KCNQ1: variants seen among roughly 807,000 people sequenced by gnomAD.
KCNQ1 encodes the protein potassium voltage-gated channel subfamily Q member 1.
KCNQ1 carries 49 observed loss-of-function variants against 72.4 expected under a neutral mutation model. The ratio of observed to expected loss-of-function variants is 0.68; its 90% confidence interval spans 0.54 to 0.86. The LOEUF is 0.86. Among genes scored for constraint, KCNQ1 ranks in the 40% least tolerant of loss-of-function variants. The probability of loss-of-function intolerance (pLI) is 0.00; values close to 1 mark genes in which losing one functional copy is unlikely to be tolerated. For synonymous variants in KCNQ1, 450 were observed against 412.6 expected (o/e 1.09, Z -1.10); for missense variants, 790 against 945.1 (o/e 0.84, Z 2.15).
At position 2,520,851 on chromosome 11, in the gene KCNQ1, T is replaced by C. The variant is rs143876070; in HGVS notation, c.387-7077T>C. Among the ~76,000 whole-genome samples, 570 of 152,214 alleles carry C rather than the reference T, an allele frequency of 3.7e-3. 4 individuals carry two copies. Among genetic ancestry groups the C allele is most frequent in the African/African-American group, 0.014 (561 of 41,518 alleles). On this transcript the variant is annotated intron_variant, in intron 1 of 15. Coordinates refer to ENST00000155840, the MANE Select transcript of KCNQ1 (RefSeq NM_000218.3). ...GTTTAAGCGTCAATATTTAATCTCT[T>C]GAAGTTACACATTCAAGGCCCTATC... is the stretch of plus-strand genomic sequence containing the variant.
rs902195459 is a variant in KCNQ1 at position 2,676,831 on chromosome 11, T to C, written c.1514+14750T>C. ...GTGCTGGGATCTACCACAGGGGTCA[T>C]GTTGTAATGACACCTGTCAGCTTTG... On this transcript the variant is annotated intron_variant, in intron 11 of 15. Coordinates refer to ENST00000155840, the MANE Select transcript of KCNQ1 (RefSeq NM_000218.3). This position sits in a 1 kb window ranked among gnomAD's most constrained non-coding sequence, Gnocchi z 4.2. 5.0e-6 allele frequency: 2 copies of C among 398,502 alleles called. No homozygotes were observed. The highest frequency in any genetic ancestry group is 4.4e-5 in the Admixed American group (1 of 22,714). The allele number at this position is 398,502 out of a possible 1,614,324, so 24.7% of individuals were successfully genotyped here. A position where few individuals can be genotyped will look rare whatever the true frequency, so the allele number is the denominator to read the frequency against.
chr11:2,474,813 G>A (rs924206061), intron 1 of KCNQ1, among the ~76,000 whole-genome samples: 2 of 151,980 alleles, frequency 1.3e-5, no homozygotes, highest in African/African-American at 2.4e-5. Context: ...TGCAGATTGT[G>A]ATGGTGTGGT....
At position 2,473,611 on chromosome 11, in the gene KCNQ1, G is replaced by A. The variant is rs2133601409; in HGVS notation, c.386+28127G>A. Reference sequence around the variant, plus strand: ...GTGGCTTGTAGAGCGAGGGTGTGCGGCCGGCATCATCCTCAGGGAACTCTG... The same window carrying A: ...GTGGCTTGTAGAGCGAGGGTGTGCGACCGGCATCATCCTCAGGGAACTCTG... On this transcript the variant is annotated intron_variant, in intron 1 of 15. Coordinates refer to ENST00000155840, the MANE Select transcript of KCNQ1 (RefSeq NM_000218.3). The surrounding 1 kb of genome is among the most constrained non-coding windows in gnomAD (Gnocchi z 6.0). 6.6e-6 allele frequency among the ~76,000 whole-genome samples: 1 copy of A among 152,230 alleles called. No homozygotes were observed. Among genetic ancestry groups the A allele is most frequent in the East Asian group, 1.9e-4 (1 of 5,168 alleles).
chr11:2,730,514 T>A (rs543583703), intron 11 of KCNQ1, among the ~76,000 whole-genome samples: 1 of 152,292 alleles, frequency 6.6e-6, no homozygotes, highest in East Asian at 1.9e-4. Context: ...TTCCTCCCTC[T>A]TTCTCTTATG....
At chr11:2,456,938 CA>C (rs58543586) in intron 1 of KCNQ1, among the ~76,000 whole-genome samples, 1,123 of 52,036 alleles carry the variant, frequency 0.022, 81 homozygotes, top group Non-Finnish European at 0.044. Flanking sequence ...GACTCGGTCT[CA>C]AAAAAAAAAA....
At chr11:2,760,026 C>T (rs896176848) in intron 11 of KCNQ1, among the ~76,000 whole-genome samples, 10 of 152,182 alleles carry the variant, frequency 6.6e-5, no homozygotes, top group East Asian at 1.9e-4. Context: ...CAGCCCAGTC[C>T]GGGAAACTTC....
In KCNQ1 at chr11:2,478,092, C is replaced by T. The variant is rs1259621712; in HGVS notation, c.386+32608C>T. The stretch of plus-strand genomic sequence containing the variant: ...GGAATGGGACAGGCCAGCTTCACCA[C>T]CCTCCGGATGGACAGCCTCGGTAGC... On this transcript the variant is annotated intron_variant, in intron 1 of 15. Transcript: ENST00000155840. The surrounding 1 kb of genome is among the most constrained non-coding windows in gnomAD (Gnocchi z 4.0). 6.6e-6 allele frequency among the ~76,000 whole-genome samples: 1 copy of T among 152,188 alleles called. No individual in the cohort carries two copies. The highest frequency in any genetic ancestry group is 2.4e-5 in the African/African-American group (1 of 41,450).
At position 2,578,363 on chromosome 11, in the gene KCNQ1, C is replaced by A. The variant is rs529831669; in HGVS notation, c.922-5072C>A. Reference sequence around the variant, plus strand: ...AGGACTTCCAGGCAAGGTGACGGTGCCAGGTGGGGCCCGAGGCCCTCACTC... The same window carrying A: ...AGGACTTCCAGGCAAGGTGACGGTGACAGGTGGGGCCCGAGGCCCTCACTC... On this transcript the variant is annotated intron_variant, in intron 6 of 15. Transcript: ENST00000155840. Among the ~76,000 whole-genome samples the A allele has an allele frequency of 1.5e-4, 23 of 152,346 alleles. No homozygotes were observed. In the South Asian group the frequency reaches 4.8e-3, roughly 32 times the overall value.
At chr11:2,619,919 A>C in intron 10 of KCNQ1, 1 of 397,804 alleles carries the variant, frequency 2.5e-6, no homozygotes, top group Non-Finnish European at 4.4e-6. Flanking sequence ...TGGTATATGG[A>C]GTATACTGCA....
chr11:2,808,407 C>T lies in KCNQ1; in HGVS notation c.1794+30370C>T, dbSNP rs184276766. ...GCAGGAGCAAAGCAGGGCACTGTGC[C>T]GGAGAGGAACAGGGGTGGTCAGGGA... On this transcript the variant is annotated intron_variant, in intron 15 of 15. Coordinates refer to ENST00000155840, the MANE Select transcript of KCNQ1 (RefSeq NM_000218.3). This position sits in a 1 kb window ranked among gnomAD's most constrained non-coding sequence, Gnocchi z 6.0. Among the ~76,000 whole-genome samples, 2 of 152,222 alleles carry T rather than the reference C, an allele frequency of 1.3e-5. No homozygotes were observed. The highest frequency in any genetic ancestry group is 2.4e-5 in the African/African-American group (1 of 41,520).
intron 1 of KCNQ1, chr11:2,461,588 G>A (rs1422107803): frequency 7.4e-7 from 1 of 1,358,110 alleles, no homozygotes; most frequent in East Asian, 4.5e-5. Context: ...GGCTGCTTTT[G>A]TTTACGTGGC....
Position 2,559,571 on chromosome 11 carries a change from C to T in KCNQ1, c.478-11057C>T, listed in dbSNP as rs757588149. On this transcript the variant is annotated intron_variant, in intron 2 of 15. Transcript: ENST00000155840. This position sits in a 1 kb window ranked among gnomAD's most constrained non-coding sequence, Gnocchi z 4.9. ...CACCCACTTGCAGGGCCCGGCTGCC[C>T]GGTGGATGGGAACGGCCATCCCCAT... Among the ~76,000 whole-genome samples the T allele has an allele frequency of 1.1e-4, 16 of 152,184 alleles. No homozygotes were observed. Among genetic ancestry groups the T allele is most frequent in the Non-Finnish European group, 1.8e-4 (12 of 68,018 alleles).
intron 11 of KCNQ1, among the ~76,000 whole-genome samples, chr11:2,719,169 C>G (rs1851159202): frequency 8.8e-3 from 1 of 114 alleles, no homozygotes; most frequent in South Asian, 0.25. Context: ...CTTCTTGTCT[C>G]TCATTGGGGG....
intron 11 of KCNQ1, among the ~76,000 whole-genome samples, chr11:2,708,044 G>A (rs190823214): frequency 2.4e-4 from 36 of 152,344 alleles, no homozygotes; most frequent in East Asian, 7.7e-4. Flanking sequence ...GGCCCCTCAG[G>A]GCTGTTCCCC....
At position 2,827,537 on chromosome 11, in the gene KCNQ1, C is replaced by T. The variant is rs1337065851; in HGVS notation, c.1795-20230C>T. 2.0e-5 allele frequency among the ~76,000 whole-genome samples: 3 copies of T among 151,610 alleles called. No homozygotes were observed. The highest frequency in any genetic ancestry group is 1.3e-4 in the Admixed American group (2 of 15,246). On this transcript the variant is annotated intron_variant, in intron 15 of 15. Transcript: ENST00000155840. The surrounding 1 kb of genome is among the most constrained non-coding windows in gnomAD (Gnocchi z 6.7). ...TGTCCACCCGCCGGAATGTGACGCACGCCTGAGTCGCTGCAAGGGCCCCTG... is the reference window on the plus strand; with the variant it reads ...TGTCCACCCGCCGGAATGTGACGCATGCCTGAGTCGCTGCAAGGGCCCCTG...
intron 6 of KCNQ1, among the ~76,000 whole-genome samples, chr11:2,574,076 T>G (rs1436189779): frequency 2.0e-5 from 3 of 152,188 alleles, no homozygotes; most frequent in African/African-American, 7.2e-5. Flanking sequence ...AAGGGCTGCT[T>G]CTAGGGGGAA....
intron 11 of KCNQ1, among the ~76,000 whole-genome samples, chr11:2,728,170 C>T (rs1454704205): frequency 2.6e-5 from 4 of 152,162 alleles, no homozygotes; most frequent in Non-Finnish European, 4.4e-5. Flanking sequence ...TCCCCTCACA[C>T]AGGCCTCACC....
At chr11:2,590,660 G>A (rs763177263) in intron 10 of KCNQ1, among the ~76,000 whole-genome samples, 8 of 152,188 alleles carry the variant, frequency 5.3e-5, no homozygotes, top group Non-Finnish European at 7.4e-5. Context: ...CTGCTGACCC[G>A]GTTTCTGCTC....
intron 15 of KCNQ1, among the ~76,000 whole-genome samples, chr11:2,793,300 G>A (rs1230612284): frequency 2.6e-5 from 4 of 152,322 alleles, no homozygotes; most frequent in South Asian, 4.1e-4. Flanking sequence ...TGAGGGCTCC[G>A]AGCTTTCTCC....
Sources: gnomAD v4.1 joint callset for allele counts (sites outside exome capture counted in the v4.1 genomes callset) on GRCh38, gnomAD v4.1.1 for gene constraint, Gnocchi (gnomAD v3.1) non-coding constraint, MANE v1.5 for transcripts, NCBI Gene and HGNC (gene_info 2026-07-23, HGNC 2026-07-21) for gene names.